The following CPNE8 variants were observed in gnomAD, a reference collection of about 807,000 sequenced individuals.
CPNE8 encodes copine-8.
In CPNE8, 45 loss-of-function variants were observed where a neutral mutation model predicts 81.5. The observed-to-expected ratio is 0.55, with a 90% CI of 0.44 to 0.71. The LOEUF (loss-of-function observed/expected upper bound fraction) is 0.71, where lower values mean the gene tolerates loss of function less well. Among genes scored for constraint, CPNE8 ranks in the 30% least tolerant of loss-of-function variants. CPNE8 has a pLI of 0.00. For missense variants in CPNE8, 594 were observed against 672.1 expected (o/e 0.88, Z 1.28); for synonymous variants, 252 against 226.3 (o/e 1.11, Z -1.02).
chr12:38,761,810 G>A (rs1941578203), intron 9 of CPNE8, among the ~76,000 whole-genome samples: 1 of 152,158 alleles, frequency 6.6e-6, no homozygotes, highest in African/African-American at 2.4e-5. Flanking sequence ...ACATTTTCAA[G>A]AGTATTTCAG....
intron 8 of CPNE8, among the ~76,000 whole-genome samples, chr12:38,764,877 AG>A (rs1941655450): frequency 1.3e-5 from 2 of 152,120 alleles, no homozygotes; most frequent in Admixed American, 6.6e-5. Flanking sequence ...AGAGAGAGAG[AG>A]AGAAAAAGAG....
chr12:38,780,146 C>T (rs747022969), intron 6 of CPNE8, among the ~76,000 whole-genome samples: 41 of 152,030 alleles, frequency 2.7e-4, no homozygotes, highest in Non-Finnish European at 4.0e-4. Context: ...CTAGTTTTCT[C>T]GGCACCATTT....
At chr12:38,814,162 G>A (rs1323808988) in intron 6 of CPNE8, among the ~76,000 whole-genome samples, 1 of 152,052 alleles carries the variant, frequency 6.6e-6, no homozygotes, top group Non-Finnish European at 1.5e-5. Flanking sequence ...CTCTAGAGAA[G>A]CCTCTGTGTA....
intron 13 of CPNE8, 36 bp from the exon 14 acceptor site, chr12:38,702,957 A>C: frequency 7.3e-7 from 1 of 1,370,914 alleles, no homozygotes; most frequent in East Asian, 2.4e-5. Context: ...TTAATAATGA[A>C]ATAACCTGAT....
At chr12:38,714,995 G>A (rs1211237013) in intron 13 of CPNE8, among the ~76,000 whole-genome samples, 1 of 152,042 alleles carries the variant, frequency 6.6e-6, no homozygotes, top group East Asian at 1.9e-4. Context: ...ATTTAAATGT[G>A]TCTTTTCTTA....
At chr12:38,819,933 A>G (rs913340219) in intron 6 of CPNE8, among the ~76,000 whole-genome samples, 1 of 152,108 alleles carries the variant, frequency 6.6e-6, no homozygotes, top group African/African-American at 2.4e-5. Context: ...TAACTACAGA[A>G]CTAATATTCT....
At chr12:38,841,659 T>G (rs898379225) in intron 4 of CPNE8, among the ~76,000 whole-genome samples, 12 of 152,140 alleles carry the variant, frequency 7.9e-5, no homozygotes, top group Non-Finnish European at 2.9e-5. Flanking sequence ...GTAGGTGAAA[T>G]GATTTGCTTT....
At chr12:38,814,937 A>G (rs1465947233) in intron 6 of CPNE8, among the ~76,000 whole-genome samples, 1 of 152,202 alleles carries the variant, frequency 6.6e-6, no homozygotes, top group African/African-American at 2.4e-5. Context: ...TTATATATAT[A>G]TATTTTTAAG....
At position 38,839,917 on chromosome 12, in the gene CPNE8, TG is replaced by T; in HGVS notation, c.328del (p.His110MetfsTer26). ...AAAAACATAAAAATATGAACTTACA[TG>T]TTTGGATAAGTTGGGGCTCTTTGAA... ...VDSKSPNLSK[H>X]DFLGQVFCTL... On this transcript the variant is annotated frameshift_variant and splice_region_variant, in exon 5 of 20. Transcript: ENST00000331366. LOFTEE classifies it high-confidence loss of function. 6.3e-7 allele frequency: 1 copy of T among 1,576,946 alleles called. No homozygotes were observed. The highest frequency in any genetic ancestry group is 8.7e-7 in the Non-Finnish European group (1 of 1,154,550).
intron 19 of CPNE8, among the ~76,000 whole-genome samples, chr12:38,666,361 A>G (rs1406166841): frequency 1.3e-5 from 2 of 152,320 alleles, no homozygotes; most frequent in East Asian, 3.9e-4. Context: ...ACTTTCCAAA[A>G]GTTGTTTAAC....
intron 5 of CPNE8, among the ~76,000 whole-genome samples, chr12:38,830,122 G>C (rs4768388): frequency 6.6e-6 from 1 of 151,814 alleles, no homozygotes; most frequent in Admixed American, 6.6e-5. Flanking sequence ...ACATACAACC[G>C]TATGATTCTT....
chr12:38,833,173 T>C (rs984516065), intron 5 of CPNE8, among the ~76,000 whole-genome samples: 6 of 151,434 alleles, frequency 4.0e-5, no homozygotes, highest in Non-Finnish European at 7.4e-5. Context: ...GCCAACATGG[T>C]GAAACCCCAT....
intron 6 of CPNE8, among the ~76,000 whole-genome samples, chr12:38,827,166 CAAAA>C (rs10574071): frequency 1.1e-5 from 1 of 93,120 alleles, no homozygotes. Context: ...GACTCCGTCT[CAAAA>C]AAAAAAAAAA....
chr12:38,703,255 T>A lies in CPNE8; in HGVS notation c.915-334A>T, dbSNP rs532174768. Among the ~76,000 whole-genome samples the A allele has an allele frequency of 1.4e-4, 22 of 152,336 alleles. No homozygotes were observed. The East Asian group carries it at 4.2e-3, about 29-fold the overall frequency. On this transcript the variant is annotated intron_variant, in intron 13 of 19. Transcript: ENST00000331366. ...ATTTTCCAGCCTCAATGCCATCATG[T>A]ATTATTAATTTATGTTTCCAAAATT...
In CPNE8 at chr12:38,882,204, C is replaced by A. The variant is rs184987525; in HGVS notation, c.99-7693G>T. 1.3e-4 allele frequency among the ~76,000 whole-genome samples: 20 copies of A among 152,196 alleles called. No individual in the cohort carries two copies. In the East Asian group the frequency reaches 3.9e-3, roughly 29 times the overall value. ...AGGCCAAAAATTCAATCACATATAT[C>A]ATATATAAGAGGAAGGCAGAGGGAG... On this transcript the variant is annotated intron_variant, in intron 1 of 19. Coordinates refer to ENST00000331366, the MANE Select transcript of CPNE8 (RefSeq NM_153634.3).
At position 38,798,777 on chromosome 12, in the gene CPNE8, C is replaced by T. The variant is rs578119344; in HGVS notation, c.408-22476G>A. 1.1e-4 allele frequency among the ~76,000 whole-genome samples: 17 copies of T among 152,232 alleles called. No homozygotes were observed. The South Asian group carries it at 3.5e-3, about 32-fold the overall frequency. ...GCAAATTGGATAAAGACTCAAGATC[C>T]ATCAGTGTGCTGTATTCAGGAAACC... On this transcript the variant is annotated intron_variant, in intron 6 of 19. Coordinates refer to ENST00000331366, the MANE Select transcript of CPNE8 (RefSeq NM_153634.3).
intron 16 of CPNE8, chr12:38,679,609 T>G (rs1250969467): frequency 1.0e-6 from 1 of 985,006 alleles, no homozygotes; most frequent in Admixed American, 6.2e-5. Flanking sequence ...CAATCCATTT[T>G]AGTCTTTATC....
At chr12:38,842,377 G>A (rs1021703485) in intron 4 of CPNE8, among the ~76,000 whole-genome samples, 8 of 151,896 alleles carry the variant, frequency 5.3e-5, no homozygotes, top group Non-Finnish European at 8.8e-5. Context: ...AAATGACATC[G>A]AATGTTCAAT....
At chr12:38,797,082 G>T (rs1209604159) in intron 6 of CPNE8, among the ~76,000 whole-genome samples, 1 of 152,136 alleles carries the variant, frequency 6.6e-6, no homozygotes, top group Non-Finnish European at 1.5e-5. Context: ...GCTCAAGGAG[G>T]CCTGCCTGCC....
Sources: allele counts gnomAD v4.1 joint callset (sites outside exome capture counted in the v4.1 genomes callset), GRCh38; gene constraint gnomAD v4.1.1; transcripts MANE v1.5; gene names NCBI Gene and HGNC (gene_info 2026-07-23, HGNC 2026-07-21).